COL4A2: variants seen among roughly 807,000 people sequenced by gnomAD.
COL4A2 encodes collagen type IV alpha 2 chain.
In COL4A2, 99 loss-of-function variants were observed where a neutral mutation model predicts 200.2. The ratio of observed to expected loss-of-function variants is 0.49; its 90% CI spans 0.42 to 0.58. The LOEUF (loss-of-function observed/expected upper bound fraction) is 0.58. COL4A2 is among the 20% of genes least tolerant of loss of function. The pLI is 0.00. For synonymous variants in COL4A2, 897 were observed against 900.6 expected (o/e 1.00, Z 0.07); for missense variants, 1,950 against 2,314.1 (o/e 0.84, Z 3.23).
chr13:110,337,520 C>CCT (rs1876252616), intron 3 of COL4A2, among the ~76,000 whole-genome samples: 1 of 152,176 alleles, frequency 6.6e-6, no homozygotes, highest in Non-Finnish European at 1.5e-5. Flanking sequence ...ATTGGACCAG[C>CCT]GTCAGAGGGC....
intron 4 of COL4A2, among the ~76,000 whole-genome samples, chr13:110,361,514 C>T (rs1462813712): frequency 5.3e-5 from 8 of 152,174 alleles, no homozygotes; most frequent in Admixed American, 1.3e-4. Flanking sequence ...GGGCATGGTA[C>T]CCCAGTTCAT....
Position 110,363,873 on chromosome 13 carries a change from G to A in COL4A2, c.180+6321G>A, listed in dbSNP as rs540133494. ...TGGCTAGAGGGGTTCTGAAATTTTT[G>A]TATTTGTAGTAGAGATGGGGTTTCA... On this transcript the variant is annotated intron_variant, in intron 4 of 47. Transcript: ENST00000360467. 2.6e-5 allele frequency among the ~76,000 whole-genome samples: 4 copies of A among 152,326 alleles called. No homozygotes were observed. In the East Asian group the frequency reaches 7.7e-4, roughly 29 times the overall value.
intron 4 of COL4A2, among the ~76,000 whole-genome samples, chr13:110,384,882 A>G (rs979766783): frequency 1.3e-5 from 2 of 152,182 alleles, no homozygotes; most frequent in Non-Finnish European, 2.9e-5. Context: ...TTCCCTGCAA[A>G]TAGGGGTTTA....
chr13:110,381,267 G>A (rs544961487), intron 4 of COL4A2, among the ~76,000 whole-genome samples: 30 of 150,062 alleles, frequency 2.0e-4, no homozygotes, highest in South Asian at 1.9e-3. Flanking sequence ...TCACACCCAC[G>A]GACTCTATCT....
chr13:110,434,563 AC>A, intron 12 of COL4A2, 121 bp downstream of exon 12: 1 of 977,728 alleles, frequency 1.0e-6, no homozygotes, highest in Non-Finnish European at 1.6e-6. Context: ...CTGCAGACAG[AC>A]CATTTGCATA....
chr13:110,380,149 T>C (rs1289530627), intron 4 of COL4A2, among the ~76,000 whole-genome samples: 1 of 152,194 alleles, frequency 6.6e-6, no homozygotes, highest in East Asian at 1.9e-4. Context: ...AGCACATTAG[T>C]CATGGCCTCA....
chr13:110,497,617 G>A (rs9559829), intron 40 of COL4A2, among the ~76,000 whole-genome samples: 4,028 of 112,984 alleles, frequency 0.036, 426 homozygotes, highest in South Asian at 0.14. Flanking sequence ...TCCACTCAGG[G>A]CTGAGGATCT....
chr13:110,428,000 C>G (rs1880532296), intron 6 of COL4A2, among the ~76,000 whole-genome samples: 1 of 152,180 alleles, frequency 6.6e-6, no homozygotes, highest in African/African-American at 2.4e-5. Context: ...ATAAGGACCT[C>G]CCTGTTTTCC....
intron 4 of COL4A2, among the ~76,000 whole-genome samples, chr13:110,409,070 G>A (rs117315599): frequency 9.5e-5 from 13 of 136,418 alleles, no homozygotes; most frequent in African/African-American, 3.4e-4. Flanking sequence ...GCACACACAC[G>A]TACACACATG....
chr13:110,500,969 CAG>C (rs1276133450), intron 40 of COL4A2, among the ~76,000 whole-genome samples: 2 of 152,180 alleles, frequency 1.3e-5, no homozygotes, highest in African/African-American at 2.4e-5. Context: ...ATGTGGAAAA[CAG>C]GGCACTACAG....
At chr13:110,497,233 G>T (rs542261998) in intron 40 of COL4A2, among the ~76,000 whole-genome samples, 80 of 149,256 alleles carry the variant, frequency 5.4e-4, no homozygotes, top group Middle Eastern at 4.1e-3. Flanking sequence ...TCACTCAGGG[G>T]TGAAGATCTA....
intron 29 of COL4A2, among the ~76,000 whole-genome samples, chr13:110,475,687 G>A (rs1300811998): frequency 1.3e-5 from 2 of 152,220 alleles, no homozygotes; most frequent in Non-Finnish European, 2.9e-5. Flanking sequence ...GCTCACCAGT[G>A]CTACAGGAGC....
intron 4 of COL4A2, among the ~76,000 whole-genome samples, chr13:110,389,079 T>C (rs1414060079): frequency 2.6e-5 from 4 of 152,160 alleles, no homozygotes; most frequent in Admixed American, 1.3e-4. Context: ...ATGTCTTTGG[T>C]TGGGTTTATA....
chr13:110,374,402 A>C (rs1029318262), intron 4 of COL4A2, among the ~76,000 whole-genome samples: 3 of 152,206 alleles, frequency 2.0e-5, no homozygotes, highest in Admixed American at 6.5e-5. Flanking sequence ...TGCACCTTGA[A>C]ACTCAGTTGT....
intron 18 of COL4A2, among the ~76,000 whole-genome samples, chr13:110,447,743 C>G (rs199792482): frequency 1.3e-5 from 2 of 151,798 alleles, no homozygotes; most frequent in Non-Finnish European, 2.9e-5. Flanking sequence ...AAACGCCTGA[C>G]TGAGTGACGA....
intron 4 of COL4A2, among the ~76,000 whole-genome samples, chr13:110,403,611 G>GC (rs1202703234): frequency 6.6e-6 from 1 of 152,112 alleles, no homozygotes; most frequent in Non-Finnish European, 1.5e-5. Flanking sequence ...TTTCTCTACA[G>GC]CCCCCCTCTT....
intron 37 of COL4A2, 74 bp from the exon 38 acceptor site, chr13:110,491,996 C>T: frequency 2.2e-6 from 3 of 1,353,150 alleles, no homozygotes; most frequent in South Asian, 1.4e-5. Flanking sequence ...GCGGCTGCCC[C>T]TCCTGCCAGG....
intron 40 of COL4A2, among the ~76,000 whole-genome samples, chr13:110,497,343 A>C (rs1255296524): frequency 1.3e-5 from 2 of 151,192 alleles, no homozygotes; most frequent in African/African-American, 4.9e-5. Flanking sequence ...GTACACCAGC[A>C]CAGCTTCAGC....
chr13:110,374,850 C>T (rs977434184), intron 4 of COL4A2, among the ~76,000 whole-genome samples: 7 of 152,214 alleles, frequency 4.6e-5, no homozygotes, highest in Non-Finnish European at 7.3e-5. Context: ...TCTTCAGAAG[C>T]ATTCCTGAGT....
Sources: allele counts gnomAD v4.1 joint callset (sites outside exome capture counted in the v4.1 genomes callset), GRCh38; gene constraint gnomAD v4.1.1; transcripts MANE v1.5; gene names NCBI Gene and HGNC (gene_info 2026-07-23, HGNC 2026-07-21).